The following SUZ12 variants were observed in gnomAD, a reference collection of about 807,000 sequenced individuals.
The protein encoded by SUZ12 is polycomb protein SUZ12.
Under a neutral mutation model 87.3 loss-of-function variants are expected in SUZ12, and 17 were observed. The ratio of observed to expected loss-of-function variants is 0.19; its 90% CI spans 0.13 to 0.29. The LOEUF (loss-of-function observed/expected upper bound fraction) is 0.29, where lower values mean the gene tolerates loss of function less well. Among genes scored for constraint, SUZ12 ranks in the 10% least tolerant of loss-of-function variants. The pLI, the probability that SUZ12 is intolerant of heterozygous loss-of-function variation, is 1.00. For synonymous variants in SUZ12, 253 were observed against 312.4 expected (o/e 0.81, Z 2.01); for missense variants, 526 against 912.2 (o/e 0.58, Z 5.45).
intron 8 of SUZ12, 103 bp from the exon 9 acceptor site, chr17:31,982,896 T>G: frequency 7.2e-7 from 1 of 1,381,306 alleles, no homozygotes; most frequent in Non-Finnish European, 9.7e-7. Flanking sequence ...TAAGCTAGTT[T>G]ATAAATTTAA....
rs564446682 is a variant in SUZ12 at position 31,984,581 on chromosome 17, AAC to A, written c.1023+1481_1023+1482del. Among the ~76,000 whole-genome samples the A allele has an allele frequency of 1.1e-4, 17 of 152,376 alleles. No homozygotes were observed. In the East Asian group the frequency reaches 2.9e-3, roughly 26 times the overall value. ...ATTATGGAATGGGGGAAGTATCTGT[AAC>A]ACAAAATGCTAATATGAATACATAA... is the stretch of plus-strand genomic sequence containing the variant. On this transcript the variant is annotated intron_variant, in intron 9 of 15. Transcript: ENST00000322652.
chr17:31,940,751 A>G (rs77913000), intron 3 of SUZ12, among the ~76,000 whole-genome samples: 21 of 151,254 alleles, frequency 1.4e-4, no homozygotes, highest in East Asian at 1.4e-3. Flanking sequence ...GGTGGCTCAT[A>G]CCTATAATCC....
chr17:31,975,802 G>A lies in SUZ12; in HGVS notation c.823+89G>A, dbSNP rs529765242. 228 of 1,071,158 alleles carry A rather than the reference G, an allele frequency of 2.1e-4. No homozygotes were observed. The African/African-American group carries it at 3.2e-3, about 15-fold the overall frequency. 66.4% of individuals were successfully genotyped at this position (1,071,158 alleles called of 1,614,324 possible). A position where few individuals can be genotyped will look rare whatever the true frequency, so the allele number is the denominator to read the frequency against. Reference sequence around the variant, plus strand: ...CCAGTGTTCCTTCATGATAGTCATGGTGCTGAGTCTTAAAGCAAACAGTGA... The same window carrying A: ...CCAGTGTTCCTTCATGATAGTCATGATGCTGAGTCTTAAAGCAAACAGTGA... On this transcript the variant is annotated intron_variant, in intron 7 of 15. Coordinates refer to ENST00000322652, the MANE Select transcript of SUZ12 (RefSeq NM_015355.4).
chr17:31,963,132 G>A (rs79260342), intron 4 of SUZ12, among the ~76,000 whole-genome samples: 23,082 of 143,800 alleles, frequency 0.16, no homozygotes, highest in African/African-American at 0.3. Flanking sequence ...TAAGACTCCT[G>A]TTGTATACGA....
chr17:31,946,747 CTT>C (rs1906662363), intron 3 of SUZ12, among the ~76,000 whole-genome samples: 1 of 152,126 alleles, frequency 6.6e-6, no homozygotes, highest in Admixed American at 6.5e-5. Flanking sequence ...TTTTTAGACT[CTT>C]ATCTCTAGAA....
chr17:31,994,123 C>A, intron 12 of SUZ12, 115 bp downstream of exon 12: 1 of 959,602 alleles, frequency 1.0e-6, no homozygotes, highest in Non-Finnish European at 1.5e-6. Flanking sequence ...AAAAAATATG[C>A]ATTAAGTACA....
intron 1 of SUZ12, among the ~76,000 whole-genome samples, chr17:31,939,060 TAA>T (rs1255829663): frequency 6.6e-6 from 1 of 152,240 alleles, no homozygotes; most frequent in Non-Finnish European, 1.5e-5. Context: ...TTCATCGACT[TAA>T]GTCCTGTATA....
At chr17:31,944,662 C>T (rs1567812339) in intron 3 of SUZ12, among the ~76,000 whole-genome samples, 1 of 151,992 alleles carries the variant, frequency 6.6e-6, no homozygotes, top group Non-Finnish European at 1.5e-5. Context: ...TTAGTTCCTA[C>T]AGAAATGGGT....
chr17:31,964,617 G>C, intron 4 of SUZ12, among the ~76,000 whole-genome samples: 1 of 151,912 alleles, frequency 6.6e-6, no homozygotes, highest in East Asian at 1.9e-4. Context: ...ATATTGGCCA[G>C]GCTGGTCTCG....
intron 4 of SUZ12, among the ~76,000 whole-genome samples, chr17:31,949,181 TG>T (rs1186074307): frequency 1.8e-4 from 28 of 152,332 alleles, no homozygotes; most frequent in Admixed American, 1.2e-3. Flanking sequence ...ACATTGGGTT[TG>T]AAATTACAGA....
chr17:31,942,346 T>A (rs543164796), intron 3 of SUZ12, among the ~76,000 whole-genome samples: 3 of 152,174 alleles, frequency 2.0e-5, no homozygotes, highest in South Asian at 2.1e-4. Flanking sequence ...TGTTTTTATT[T>A]TTTTTTGAGA....
In SUZ12 at chr17:31,975,665, A is replaced by G; in HGVS notation, c.775A>G (p.Arg259Gly). ...GCTATTTAGAGTGACTCGTCCAGGA[A>G]GAAGAGAGTTTAATGGAATGATTAA... is the stretch of plus-strand genomic sequence containing the variant. ...SLLFRVTRPG[R>G]REFNGMINGE... Residue 259 changes from arginine (R) to glycine (G), a missense_variant, in exon 7 of 16, where the codon AGA (arginine) becomes GGA (glycine). Around this residue, in one of 9 missense-constraint regions of SUZ12, gnomAD observed 73 missense variants for 133.8 expected, o/e 0.55. Coordinates refer to ENST00000322652, the MANE Select transcript of SUZ12 (RefSeq NM_015355.4). 1 of 1,613,962 alleles carries G rather than the reference A, an allele frequency of 6.2e-7. No individual in the cohort carries two copies. Among genetic ancestry groups the G allele is most frequent in the Admixed American group, 1.7e-5 (1 of 60,000 alleles).
chr17:31,964,131 A>G (rs998313674), intron 4 of SUZ12, among the ~76,000 whole-genome samples: 1 of 151,062 alleles, frequency 6.6e-6, no homozygotes, highest in African/African-American at 2.4e-5. Flanking sequence ...GGCTCAAGTG[A>G]TTCTCCTGCC....
rs186270843 is a variant in SUZ12, at chr17:31,951,020, T to A, written c.455+3335T>A. ...TGGTCTCGATCTCCTGACCTCGTGA[T>A]CCGCCCATCTCAGCCTCCCAAAGTG... On this transcript the variant is annotated intron_variant, in intron 4 of 15. Transcript: ENST00000322652. Among the ~76,000 whole-genome samples the A allele has an allele frequency of 3.0e-3, 460 of 152,274 alleles. 2 individuals are homozygous for A. The highest frequency in any genetic ancestry group is 0.011 in the African/African-American group (441 of 41,566).
intron 5 of SUZ12, among the ~76,000 whole-genome samples, chr17:31,971,353 T>C (rs1462553919): frequency 1.3e-5 from 2 of 152,144 alleles, no homozygotes; most frequent in African/African-American, 4.8e-5. Flanking sequence ...CTTAATACTT[T>C]TTCTAGTAGA....
intron 4 of SUZ12, among the ~76,000 whole-genome samples, chr17:31,965,136 C>T (rs1192602685): frequency 1.3e-5 from 2 of 149,802 alleles, no homozygotes; most frequent in Non-Finnish European, 2.9e-5. Flanking sequence ...CCTAGATTGT[C>T]ACCATCATTT....
intron 11 of SUZ12, 70 bp from the exon 12 acceptor site, chr17:31,993,795 G>A (rs1451820953): frequency 7.0e-7 from 1 of 1,430,438 alleles, no homozygotes; most frequent in East Asian, 2.3e-5. Flanking sequence ...ATTTTTAGAA[G>A]TGATATTTAA....
At chr17:31,960,765 G>A (rs564158859) in intron 4 of SUZ12, among the ~76,000 whole-genome samples, 77 of 152,116 alleles carry the variant, frequency 5.1e-4, no homozygotes, top group African/African-American at 1.7e-3. Flanking sequence ...TTTTAGTAGA[G>A]ACAAGGTTTC....
intron 9 of SUZ12, among the ~76,000 whole-genome samples, chr17:31,983,708 A>G (rs933336116): frequency 4.6e-5 from 7 of 152,172 alleles, no homozygotes; most frequent in Non-Finnish European, 7.4e-5. Context: ...CATAGAATTG[A>G]TGGATTAGAT....
Sources: gnomAD v4.1 joint callset for allele counts (sites outside exome capture counted in the v4.1 genomes callset) on GRCh38, gnomAD v4.1.1 for gene constraint, gnomAD v4.1.1 regional missense constraint, MANE v1.5 for transcripts, NCBI Gene and HGNC (gene_info 2026-07-23, HGNC 2026-07-21) for gene names.